HTRA4: variants seen among roughly 807,000 people sequenced by gnomAD.
HTRA4 encodes HtrA serine peptidase 4, also known as serine protease HTRA4.
HTRA4 carries 46 observed loss-of-function variants against 49.1 expected under a neutral mutation model. The ratio of observed to expected loss-of-function variants is 0.94; its 90% CI spans 0.74 to 1.20. HTRA4 has a LOEUF of 1.20. Ranked by LOEUF, HTRA4 falls within the 50% of genes most tolerant of loss-of-function variation. The probability of loss-of-function intolerance (pLI) is 0.00; values close to 1 mark genes in which losing one functional copy is unlikely to be tolerated. For missense variants in HTRA4, 602 were observed against 636.9 expected (o/e 0.95, Z 0.59); for synonymous variants, 261 against 264.0 (o/e 0.99, Z 0.11).
intron 4 of HTRA4, 28 bp downstream of exon 4, chr8:38,978,175 A>G (rs745735120): frequency 2.5e-5 from 39 of 1,583,178 alleles, no homozygotes; most frequent in Non-Finnish European, 3.1e-5. Context: ...GAGGTGCCCA[A>G]CCCATGGGCT....
At position 38,981,647 on chromosome 8, in the gene HTRA4, T is replaced by G; in HGVS notation, c.1000-6T>G. The stretch of plus-strand genomic sequence containing the variant: ...CATGACTGAATGATGTCCCCTCCCT[T>G]GCCAGGATGGTGATGTGATTGGCGT... On this transcript the variant is annotated splice_polypyrimidine_tract_variant and splice_region_variant and intron_variant, in intron 5 of 8. Transcript: ENST00000302495. 1 of 1,608,628 alleles carries G rather than the reference T, an allele frequency of 6.2e-7. No individual in the cohort carries two copies. The highest frequency in any genetic ancestry group is 8.5e-7 in the Non-Finnish European group (1 of 1,175,844).
Position 38,976,643 on chromosome 8 carries a change from G to T in HTRA4, c.675G>T (p.Trp225Cys). Residue 225 changes from tryptophan to cysteine, a missense_variant, in exon 3 of 9, where the codon TGG becomes TGT. Trp to Cys is a radical substitution (Grantham distance 215, BLOSUM62 -2). Coordinates refer to ENST00000302495, the MANE Select transcript of HTRA4 (RefSeq NM_153692.4). ...TNAHVVRNQQ[W>C]IEVVLQNGAR... ...CCCATGTTGTCAGGAACCAGCAGTG[G>T]ATTGAGGTGGTGCTCCAGAATGGGG... The T allele has an allele frequency of 6.2e-7, 1 of 1,614,182 alleles. No individual in the cohort carries two copies. The highest frequency in any genetic ancestry group is 8.5e-7 in the Non-Finnish European group (1 of 1,180,030).
chr8:38,974,858 C>T, intron 1 of HTRA4, 129 bp downstream of exon 1: 1 of 1,173,054 alleles, frequency 8.5e-7, no homozygotes, highest in Non-Finnish European at 1.2e-6. Flanking sequence ...GGATTCGACA[C>T]CTCTGTGTTC....
At chr8:38,980,223 C>G (rs189313304) in intron 5 of HTRA4, among the ~76,000 whole-genome samples, 76 of 151,730 alleles carry the variant, frequency 5.0e-4, no homozygotes, top group Non-Finnish European at 1.0e-3. Context: ...GCTTTTGGTT[C>G]CTGTTTAAAT....
At chr8:38,984,146 A>G (rs886547963) in intron 8 of HTRA4, among the ~76,000 whole-genome samples, 8 of 151,714 alleles carry the variant, frequency 5.3e-5, no homozygotes, top group Admixed American at 4.6e-4. Context: ...GATTACAGGC[A>G]CCCGCCACCA....
At chr8:38,983,809 C>CT (rs11375454) in intron 8 of HTRA4, among the ~76,000 whole-genome samples, 46,338 of 151,392 alleles carry the variant, frequency 0.31, 7,347 homozygotes, top group Non-Finnish European at 0.36. Context: ...CTTATAAAGG[C>CT]TTTTTTTGTA....
chr8:38,982,640 T>C (rs1835437396), intron 7 of HTRA4, 85 bp downstream of exon 7: 1 of 1,285,664 alleles, frequency 7.8e-7, no homozygotes, highest in Non-Finnish European at 1.1e-6. Flanking sequence ...GCTGAGCCAC[T>C]TGGACCACAG....
chr8:38,981,370 T>G (rs1200091930), intron 5 of HTRA4, among the ~76,000 whole-genome samples: 2 of 152,122 alleles, frequency 1.3e-5, no homozygotes, highest in African/African-American at 4.8e-5. Context: ...TGAGCCACTC[T>G]GCCCAGCCAT....
At chr8:38,982,583 T>C in intron 7 of HTRA4, 28 bp downstream of exon 7, 1 of 1,612,634 alleles carries the variant, frequency 6.2e-7, no homozygotes, top group Non-Finnish European at 8.5e-7. Context: ...TATGTCTGGG[T>C]TGTTTTTCAG....
At position 38,974,399 on chromosome 8, in the gene HTRA4, CCCACGCGCTG is replaced by C; in HGVS notation, c.139_148del (p.Thr47ProfsTer157). The C allele has an allele frequency of 6.4e-7, 1 of 1,563,676 alleles. No homozygotes were observed. Among genetic ancestry groups the C allele is most frequent in the East Asian group, 2.4e-5 (1 of 42,136 alleles). Reference sequence around the variant, plus strand: ...GCCCTCCTGCCCCGCGGTCTGCCAGCCCACGCGCTGCCCCGCGCTGCCCACCTGCGCGCTG... The same window carrying C: ...GCCCTCCTGCCCCGCGGTCTGCCAGCCCCCGCGCTGCCCACCTGCGCGCTG... On this transcript the variant is annotated frameshift_variant, in exon 1 of 9. Coordinates refer to ENST00000302495, the MANE Select transcript of HTRA4 (RefSeq NM_153692.4). LOFTEE classifies it high-confidence loss of function.
In HTRA4 at chr8:38,974,635, C is replaced by T. The variant is rs1318427322; in HGVS notation, c.372C>T (p.Pro124=). 7 of 1,416,848 alleles carry T rather than the reference C, an allele frequency of 4.9e-6. No individual in the cohort carries two copies. The East Asian group carries it at 2.0e-4, about 41-fold the overall frequency. 87.8% of individuals were successfully genotyped at this position (1,416,848 alleles called of 1,614,324 possible). A position where few individuals can be genotyped will look rare whatever the true frequency, so the allele number is the denominator to read the frequency against. Residue 124 remains proline, a synonymous_variant, in exon 1 of 9, where the codon CCC becomes CCT. Transcript: ENST00000302495. ...AVCGSDRRTY[P]SMCALRAENR... ...GCGGCAGCGACAGGCGCACCTACCC[C>T]AGCATGTGCGCGCTCCGGGCCGAAA...
At chr8:38,985,973 G>A (rs1564182760) in intron 8 of HTRA4, among the ~76,000 whole-genome samples, 1 of 152,166 alleles carries the variant, frequency 6.6e-6, no homozygotes, top group Non-Finnish European at 1.5e-5. Context: ...AGGAGTTTGA[G>A]ACCAGCCTGA....
intron 4 of HTRA4, 35 bp downstream of exon 4, chr8:38,978,182 G>A (rs1835376920): frequency 1.9e-6 from 3 of 1,574,838 alleles, no homozygotes; most frequent in Non-Finnish European, 8.6e-7. Flanking sequence ...CCAACCCATG[G>A]GCTGTGGACC....
chr8:38,978,479 A>C (rs1222086392), intron 4 of HTRA4, among the ~76,000 whole-genome samples: 1 of 152,196 alleles, frequency 6.6e-6, no homozygotes, highest in Admixed American at 6.5e-5. Flanking sequence ...TGTGCCAAAA[A>C]GTTTGGGGAT....
chr8:38,985,965 G>A (rs949829315), intron 8 of HTRA4, among the ~76,000 whole-genome samples: 1 of 152,160 alleles, frequency 6.6e-6, no homozygotes, highest in Admixed American at 6.5e-5. Flanking sequence ...TTGAAACCAG[G>A]AGTTTGAGAC....
At chr8:38,977,915 C>T (rs1835372150) in intron 3 of HTRA4, 38 bp from the exon 4 acceptor site, 13 of 1,594,028 alleles carry the variant, frequency 8.2e-6, no homozygotes, top group African/African-American at 2.7e-5. Flanking sequence ...TGTTCTTTAC[C>T]CTTTCTGTCC....
At chr8:38,979,376 A>C in intron 5 of HTRA4, 129 bp downstream of exon 5, 1 of 844,434 alleles carries the variant, frequency 1.2e-6, no homozygotes, top group South Asian at 1.4e-5. Flanking sequence ...TGGGGCCAGG[A>C]GTTTGAGACT....
chr8:38,983,444 T>A (rs1835447368), intron 8 of HTRA4, among the ~76,000 whole-genome samples: 1 of 151,948 alleles, frequency 6.6e-6, no homozygotes, highest in Non-Finnish European at 1.5e-5. Context: ...GAGAATCGCT[T>A]GAACATGGGA....
At chr8:38,979,355 G>A in intron 5 of HTRA4, 108 bp downstream of exon 5, 1 of 1,001,008 alleles carries the variant, frequency 1.0e-6, no homozygotes, top group South Asian at 1.3e-5. Context: ...AGCACATTTG[G>A]GATGACTGCT....
Sources: allele counts gnomAD v4.1 joint callset (sites outside exome capture counted in the v4.1 genomes callset), GRCh38; gene constraint gnomAD v4.1.1; transcripts MANE v1.5; gene names NCBI Gene and HGNC (gene_info 2026-07-23, HGNC 2026-07-21).